The following AGAP4 variants were observed in gnomAD, a reference collection of about 807,000 sequenced individuals.
AGAP4 encodes the protein ArfGAP with GTPase domain, ankyrin repeat and PH domain 4.
In AGAP4, 13 loss-of-function variants were observed where a neutral mutation model predicts 60.7. That is an observed-to-expected ratio of 0.21 (90% CI 0.14 to 0.34). AGAP4 has a LOEUF of 0.34. Ranked by LOEUF, AGAP4 falls within the 10% of genes least tolerant of loss-of-function variation. The pLI, the probability that AGAP4 is intolerant of heterozygous loss-of-function variation, is 1.00. For synonymous variants in AGAP4, 70 were observed against 339.0 expected, an observed-to-expected ratio of 0.21 and a Z score of 8.72; for missense variants, 169 against 884.0, an observed-to-expected ratio of 0.19 and a Z score of 10.26.
At chr10:45,830,395 C>G (rs1409710079) in intron 6 of AGAP4, among the ~76,000 whole-genome samples, 5 of 131,946 alleles carry the variant, frequency 3.8e-5, no homozygotes, top group African/African-American at 1.4e-4. Flanking sequence ...TGGTCTCAAA[C>G]TCCTGACCTC....
upstream of AGAP4, among the ~76,000 whole-genome samples, chr10:45,851,342 CCTT>C (rs1225094576): frequency 2.0e-5 from 3 of 151,962 alleles, no homozygotes; most frequent in African/African-American, 7.3e-5. Context: ...GGAGATGATG[CCTT>C]CTTTTCATAT....
chr10:45,840,139 TAGAG>T (rs2058893781), intron 4 of AGAP4, among the ~76,000 whole-genome samples: 1 of 147,858 alleles, frequency 6.8e-6, no homozygotes, highest in African/African-American at 2.5e-5. Context: ...TTCAGAACCT[TAGAG>T]AGAGAGATTC....
rs1207412877 is a variant in AGAP4, at chr10:45,825,800, T to C, written c.*115A>G. 2.0e-6 allele frequency: 2 copies of C among 1,011,530 alleles called. No individual in the cohort carries two copies. The highest frequency in any genetic ancestry group is 5.3e-5 in the Admixed American group (2 of 37,836). 62.7% of individuals were successfully genotyped at this position (1,011,530 alleles called of 1,614,324 possible). A position where few individuals can be genotyped will look rare whatever the true frequency, so the allele number is the denominator to read the frequency against. On this transcript the variant is annotated 3_prime_UTR_variant, in exon 8 of 8. Transcript: ENST00000616763. ...GTGTATTTACTTAGTTTACGAAAAG[T>C]ACTGAAAATGCTATTATTAGCTGAA...
At chr10:45,834,972 A>T (rs1356931274) in intron 4 of AGAP4, among the ~76,000 whole-genome samples, 1 of 146,236 alleles carries the variant, frequency 6.8e-6, no homozygotes, top group African/African-American at 2.7e-5. Flanking sequence ...ACGGGGTTTC[A>T]CCGTGTTAGC....
exon 1 of AGAP4, chr10:45,853,771 C>T (rs2059110719): frequency 7.8e-7 from 1 of 1,287,696 alleles, no homozygotes; most frequent in Non-Finnish European, 1.0e-6. Context: ...TTCTCATGGA[C>T]AAAGTTTGTG....
chr10:45,854,197 C>T (rs1273721916), upstream of AGAP4: 1 of 190,498 alleles, frequency 5.2e-6, no homozygotes, highest in Non-Finnish European at 1.1e-5. Flanking sequence ...GAACTGTTAA[C>T]ATTCTACTGA....
Position 45,844,657 on chromosome 10 carries a change from CCTTT to C in AGAP4, c.293-267_293-264del, listed in dbSNP as rs1288137044. 4.4e-5 allele frequency among the ~76,000 whole-genome samples: 5 copies of C among 112,636 alleles called. No homozygotes were observed. In the South Asian group the frequency reaches 1.2e-3, roughly 28 times the overall value. 73.9% of individuals were successfully genotyped at this position (112,636 alleles called of 152,430 possible). On this transcript the variant is annotated intron_variant, in intron 2 of 7. Transcript: ENST00000616763. ...AGCATGAGTAACATAATGACACCCT[CCTTT>C]ATTTAAAAAAAAAAAAAAAAAGAAG...
At chr10:45,828,683 G>GTTTT (rs2058683788) in intron 6 of AGAP4, among the ~76,000 whole-genome samples, 1 of 75,720 alleles carries the variant, frequency 1.3e-5, no homozygotes, top group African/African-American at 5.0e-5. Flanking sequence ...GGTCATAACT[G>GTTTT]TTCTTTTTTT....
At chr10:45,840,487 T>G (rs1395227425) in intron 4 of AGAP4, among the ~76,000 whole-genome samples, 1 of 91,260 alleles carries the variant, frequency 1.1e-5, no homozygotes, top group Non-Finnish European at 2.2e-5. Context: ...TGAGCATATC[T>G]AGGGAAACCC....
At chr10:45,841,384 T>C in intron 4 of AGAP4, 1 of 338,200 alleles carries the variant, frequency 3.0e-6, no homozygotes, top group Non-Finnish European at 5.5e-6. Context: ...TTACAGACGT[T>C]AGCCACCATG....
rs782186418 is a variant in AGAP4, at chr10:45,826,869, G to A, written c.1107C>T (p.Thr369=). 7.6e-5 allele frequency: 98 copies of A among 1,286,056 alleles called. 26 individuals carry two copies. The highest frequency in any genetic ancestry group is 2.1e-4 in the Middle Eastern group (1 of 4,684). The allele number at this position is 1,286,056 out of a possible 1,614,324, so 79.7% of individuals were successfully genotyped here. A position where few individuals can be genotyped will look rare whatever the true frequency, so the allele number is the denominator to read the frequency against. ...KSNGLSKDMD[T]GLGDSICFSP... ...TGAAGCATATGGAGTCACCCAGCCC[G>A]GTGTCCATGTCCTTGGATAGGCCAT... The change falls in exon 8 of 8, where the codon ACC becomes ACT. Residue 369 remains threonine (T), a synonymous_variant. Transcript: ENST00000616763.
At chr10:45,851,433 G>T (rs2059082786), upstream of AGAP4, among the ~76,000 whole-genome samples, 1 of 152,018 alleles carries the variant, frequency 6.6e-6, no homozygotes, top group Admixed American at 6.6e-5. Context: ...GTCAAATTTT[G>T]CCAGGAGGGC....
upstream of AGAP4, among the ~76,000 whole-genome samples, chr10:45,851,049 G>T (rs1439195645): frequency 2.0e-5 from 3 of 151,814 alleles, no homozygotes; most frequent in Non-Finnish European, 2.9e-5. Context: ...TGAATCTATG[G>T]TTACAGCAAT....
At position 45,847,447 on chromosome 10, in the gene AGAP4, T is replaced by C. The variant is rs1489624919; in HGVS notation, c.-100A>G. 9 of 1,532,036 alleles carry C rather than the reference T, an allele frequency of 5.9e-6. No homozygotes were observed. The highest frequency in any genetic ancestry group is 7.9e-6 in the Non-Finnish European group (9 of 1,145,382). The allele number at this position is 1,532,036 out of a possible 1,614,324, so 94.9% of individuals were successfully genotyped here. A position where few individuals can be genotyped will look rare whatever the true frequency, so the allele number is the denominator to read the frequency against. ...CGAGGCTATGCTGCACTTGCAGAGA[T>C]GGTCTTCCCGCTCCTCGCCTGCCCA... On this transcript the variant is annotated 5_prime_UTR_variant, in exon 1 of 8. Transcript: ENST00000616763.
At chr10:45,848,120 T>G (rs1475806567), upstream of AGAP4, among the ~76,000 whole-genome samples, 1 of 148,138 alleles carries the variant, frequency 6.8e-6, no homozygotes, top group Admixed American at 6.8e-5. Context: ...AACTAAACAC[T>G]CCTCTCCTGT....
upstream of AGAP4, among the ~76,000 whole-genome samples, chr10:45,850,708 G>A (rs1480440063): frequency 6.6e-6 from 1 of 152,192 alleles, no homozygotes; most frequent in Non-Finnish European, 1.5e-5. Context: ...GAAAGAAGAG[G>A]GGAAGTAGAA....
At chr10:45,854,071 C>T (rs1374409313), upstream of AGAP4, 3 of 320,244 alleles carry the variant, frequency 9.4e-6, no homozygotes, top group Non-Finnish European at 1.5e-5. Context: ...ATAGCTACGA[C>T]CTGGGGCTGA....
In AGAP4 at chr10:45,842,561, A is replaced by G. The variant is rs782280154; in HGVS notation, c.362-874T>C. Among the ~76,000 whole-genome samples, 560 of 149,358 alleles carry G rather than the reference A, an allele frequency of 3.7e-3. 3 individuals carry two copies. The highest frequency in any genetic ancestry group is 5.8e-3 in the Non-Finnish European group (395 of 67,918). ...GCCTGGCCTAAATTTTGATGTTAAA[A>G]TAAGTATACAAACCTAATTGGACAT... is the stretch of plus-strand genomic sequence containing the variant. On this transcript the variant is annotated intron_variant, in intron 3 of 7. Coordinates refer to ENST00000616763, the MANE Select transcript of AGAP4 (RefSeq NM_001276343.3).
chr10:45,831,930 A>T (rs1178234897), intron 5 of AGAP4, among the ~76,000 whole-genome samples: 1 of 147,654 alleles, frequency 6.8e-6, no homozygotes, highest in South Asian at 2.2e-4. Context: ...GGTGGGGTGG[A>T]TGGAGTTTCG....
Sources: gnomAD v4.1 joint callset for allele counts (sites outside exome capture counted in the v4.1 genomes callset) on GRCh38, gnomAD v4.1.1 for gene constraint, MANE v1.5 for transcripts, NCBI Gene and HGNC (gene_info 2026-07-23, HGNC 2026-07-21) for gene names.